NHSL3: variants seen among roughly 807,000 people sequenced by gnomAD.
NHSL3 encodes the protein NHS-like protein 3.
At chr1:32,750,117 G>T in the NHSL3 span, among the ~76,000 whole-genome samples, 2 of 152,184 alleles carry the variant, frequency 1.3e-5, no homozygotes, top group Non-Finnish European at 2.9e-5. Context: ...CACCTTCCTT[G>T]TGCGGACCCA....
chr1:32,770,538 C>T, the NHSL3 span: 1 of 1,534,906 alleles, frequency 6.5e-7, no homozygotes, highest in Non-Finnish European at 8.8e-7. The surrounding 1 kb of genome is among the most constrained non-coding windows in gnomAD (Gnocchi z 8.3). Context: ...GCGTGGTACC[C>T]CCTCCCCAGG....
chr1:32,771,821 C>A, the NHSL3 span: 1 of 1,611,932 alleles, frequency 6.2e-7, no homozygotes. Flanking sequence ...CTGGTCACGC[C>A]CTCGCTCCTG....
chr1:32,768,086 G>A, the NHSL3 span: 71 of 1,613,760 alleles, frequency 4.4e-5, no homozygotes, highest in Non-Finnish European at 5.8e-5. Context: ...AACAAGGGTG[G>A]CTGGGACCAT....
At chr1:32,772,297 A>T in the NHSL3 span, 785 of 754,778 alleles carry the variant, frequency 1.0e-3, no homozygotes, top group Non-Finnish European at 1.5e-3. Context: ...CGCCTCCCCC[A>T]GTTACCCTCG....
the NHSL3 span, chr1:32,770,686 C>T: frequency 7.2e-6 from 11 of 1,535,228 alleles, no homozygotes; most frequent in East Asian, 2.3e-5. The surrounding 1 kb of genome is among the most constrained non-coding windows in gnomAD (Gnocchi z 8.3). Flanking sequence ...CCCTCCCCGC[C>T]GGACCCACTC....
the NHSL3 span, chr1:32,769,896 T>C: frequency 6.2e-7 from 1 of 1,609,384 alleles, no homozygotes; most frequent in Non-Finnish European, 8.5e-7. Flanking sequence ...GGAATGAGCG[T>C]GAGGCACCAG....
the NHSL3 span, among the ~76,000 whole-genome samples, chr1:32,763,527 G>C: frequency 6.6e-6 from 1 of 152,060 alleles, no homozygotes; most frequent in African/African-American, 2.4e-5. Flanking sequence ...TGGCTCCTCA[G>C]TATTCAAGTG....
At chr1:32,769,541 ACCTAG>A in the NHSL3 span, 1 of 739,464 alleles carries the variant, frequency 1.4e-6, no homozygotes, top group South Asian at 1.6e-5. Flanking sequence ...GCTTTGTTTA[ACCTAG>A]CCTTGCCCAT....
At chr1:32,772,715 C>A in the NHSL3 span, 2 of 852,462 alleles carry the variant, frequency 2.3e-6, no homozygotes, top group East Asian at 2.6e-5. Flanking sequence ...AGTGTCTGAA[C>A]ATGTGTAGGG....
the NHSL3 span, among the ~76,000 whole-genome samples, chr1:32,747,176 G>GA: frequency 1.8e-4 from 26 of 147,554 alleles, no homozygotes; most frequent in East Asian, 5.0e-3. Context: ...GACAAAGATG[G>GA]TTTTTTTTTT....
chr1:32,766,069 GC>G, the NHSL3 span, among the ~76,000 whole-genome samples: 1 of 152,224 alleles, frequency 6.6e-6, no homozygotes, highest in East Asian at 1.9e-4. Flanking sequence ...GAAGCCTGCA[GC>G]CCTCCCGTGA....
chr1:32,773,025 C>T, the NHSL3 span: 12 of 783,350 alleles, frequency 1.5e-5, no homozygotes, highest in East Asian at 1.8e-4. Context: ...CCACGGCCTT[C>T]GATACTTATG....
At chr1:32,768,877 C>T in the NHSL3 span, 1 of 1,400,020 alleles carries the variant, frequency 7.1e-7, no homozygotes, top group Admixed American at 2.2e-5. Flanking sequence ...CTCTCTGATT[C>T]AATGAATTCG....
chr1:32,773,218 CCT>C, the NHSL3 span: 5 of 422,714 alleles, frequency 1.2e-5, no homozygotes, highest in South Asian at 1.8e-4. Flanking sequence ...GAGCAGGACA[CCT>C]CACCTGAGTT....
the NHSL3 span, chr1:32,772,007 C>G: frequency 1.9e-6 from 3 of 1,602,470 alleles, no homozygotes; most frequent in African/African-American, 2.7e-5. Flanking sequence ...AGCCTGGCCG[C>G]CAGTGAAGGC....
chr1:32,767,790 C>T, the NHSL3 span: 1 of 1,608,754 alleles, frequency 6.2e-7, no homozygotes, highest in South Asian at 1.1e-5. Context: ...CTACTAGGCT[C>T]TGCCAAGGCT....
chr1:32,759,885 A>C, the NHSL3 span, among the ~76,000 whole-genome samples: 1 of 152,006 alleles, frequency 6.6e-6, no homozygotes, highest in Non-Finnish European at 1.5e-5. Context: ...AAAGGAAACC[A>C]CTCCTGCCTT....
At chr1:32,743,701 A>G in the NHSL3 span, among the ~76,000 whole-genome samples, 1 of 152,234 alleles carries the variant, frequency 6.6e-6, no homozygotes, top group African/African-American at 2.4e-5. Flanking sequence ...CCTGGAAGGC[A>G]GGGGGCTGGA....
the NHSL3 span, chr1:32,770,687 G>A: frequency 1.8e-5 from 28 of 1,533,818 alleles, no homozygotes; most frequent in East Asian, 9.1e-5. This position sits in a 1 kb window ranked among gnomAD's most constrained non-coding sequence, Gnocchi z 8.3. Flanking sequence ...CCTCCCCGCC[G>A]GACCCACTCC....
Sources: gnomAD v4.1 joint callset for allele counts (sites outside exome capture counted in the v4.1 genomes callset) on GRCh38, gnomAD v4.1.1 for gene constraint, Gnocchi (gnomAD v3.1) non-coding constraint, MANE v1.5 for transcripts, NCBI Gene and HGNC (gene_info 2026-07-23, HGNC 2026-07-21) for gene names.